DNMT1: variants seen among roughly 807,000 people sequenced by gnomAD.
The protein encoded by DNMT1 is DNA methyltransferase 1.
Under a neutral mutation model 205.3 loss-of-function variants are expected in DNMT1, and 24 were observed. The ratio of observed to expected loss-of-function variants is 0.12; its 90% CI spans 0.08 to 0.16. The LOEUF is 0.16. DNMT1 is among the 10% of genes least tolerant of loss of function. The pLI is 1.00. For missense variants in DNMT1, 1,293 were observed against 2,177.7 expected (o/e 0.59, Z 8.09); for synonymous variants, 817 against 839.8 (o/e 0.97, Z 0.47).
chr19:10,153,092 C>A lies in DNMT1; in HGVS notation c.2019+1201G>T, dbSNP rs1484679400. Among the ~76,000 whole-genome samples the A allele has an allele frequency of 4.6e-5, 7 of 152,200 alleles. No homozygotes were observed. The East Asian group carries it at 1.4e-3, about 29-fold the overall frequency. On this transcript the variant is annotated intron_variant, in intron 22 of 40. Coordinates refer to ENST00000359526, the MANE Select transcript of DNMT1 (RefSeq NM_001130823.3). ...TGCTCAAATGGTAAGTTGGTAGAAC[C>A]ATTTTGGAGAGCAATCTTCTAGATC...
intron 1 of DNMT1, among the ~76,000 whole-genome samples, chr19:10,186,206 G>T (rs1457027958): frequency 1.3e-4 from 20 of 152,094 alleles, no homozygotes. Context: ...CATATGAACT[G>T]GGATATTTAG....
rs1331610687 is a variant in DNMT1 at position 10,159,224 on chromosome 19, G to T, written c.1280+434C>A. 6.6e-6 allele frequency among the ~76,000 whole-genome samples: 1 copy of T among 152,142 alleles called. No individual in the cohort carries two copies. Among genetic ancestry groups the T allele is most frequent in the Non-Finnish European group, 1.5e-5 (1 of 68,020 alleles). ...TATTGTCCCTTCATCAGCTTTCCACGTGGCTCTTTGAGACGGAGTCTTGCT... is the reference window on the plus strand; with the variant it reads ...TATTGTCCCTTCATCAGCTTTCCACTTGGCTCTTTGAGACGGAGTCTTGCT... On this transcript the variant is annotated intron_variant, in intron 17 of 40. Transcript: ENST00000359526. The surrounding 1 kb of genome is among the most constrained non-coding windows in gnomAD (Gnocchi z 5.0).
At position 10,185,759 on chromosome 19, in the gene DNMT1, G is replaced by A. The variant is rs1020094293; in HGVS notation, c.81-3682C>T. On this transcript the variant is annotated intron_variant, in intron 1 of 40. Transcript: ENST00000359526. ...GTGGGAGGATCGCTTGAGCCTGGGA[G>A]GTTGAGGCTGCAGTGAGTTATGATG... Among the ~76,000 whole-genome samples, 3 of 151,492 alleles carry A rather than the reference G, an allele frequency of 2.0e-5. No homozygotes were observed. The South Asian group carries it at 6.3e-4, about 32-fold the overall frequency.
chr19:10,138,360 C>G lies in DNMT1; in HGVS notation c.4115+79G>C. ...GTACCATCCTCTCCTCCCCAAGCCTCACCAGGGAGTACTCACGGGCCCCAT... is the reference window on the plus strand; with the variant it reads ...GTACCATCCTCTCCTCCCCAAGCCTGACCAGGGAGTACTCACGGGCCCCAT... On this transcript the variant is annotated intron_variant, in intron 35 of 40. Transcript: ENST00000359526. This position sits in a 1 kb window ranked among gnomAD's most constrained non-coding sequence, Gnocchi z 4.1. 6.2e-7 allele frequency: 1 copy of G among 1,605,520 alleles called. No homozygotes were observed. The highest frequency in any genetic ancestry group is 8.5e-7 in the Non-Finnish European group (1 of 1,176,430).
At chr19:10,190,625 C>A (rs2039281699) in intron 1 of DNMT1, among the ~76,000 whole-genome samples, 1 of 151,888 alleles carries the variant, frequency 6.6e-6, no homozygotes, top group African/African-American at 2.4e-5. Flanking sequence ...GTTAGCCGGG[C>A]GTGGTGGCAC....
At chr19:10,174,770 C>G (rs1441810759) in intron 7 of DNMT1, among the ~76,000 whole-genome samples, 1 of 150,978 alleles carries the variant, frequency 6.6e-6, no homozygotes, top group African/African-American at 2.4e-5. Flanking sequence ...CGGTGGCTCA[C>G]ACCTATAATC....
chr19:10,166,527 G>T (rs947601488), intron 11 of DNMT1, 71 bp downstream of exon 11: 8 of 1,585,024 alleles, frequency 5.0e-6, no homozygotes, highest in Non-Finnish European at 6.9e-6. Context: ...GCCCCACCCT[G>T]CGCACTCCCG....
intron 13 of DNMT1, 118 bp downstream of exon 13, chr19:10,162,549 C>T (rs1261766074): frequency 2.5e-5 from 26 of 1,058,416 alleles, no homozygotes; most frequent in Non-Finnish European, 3.1e-5. Flanking sequence ...GGATTACAGG[C>T]GTGCGCCACC....
rs61758431 is a variant in DNMT1 at position 10,162,694 on chromosome 19, A to C, written c.981T>G (p.Ile327Met). 505 of 1,613,846 alleles carry C rather than the reference A, an allele frequency of 3.1e-4. No individual in the cohort carries two copies. Among genetic ancestry groups the C allele is most frequent in the Middle Eastern group, 5.0e-4 (3 of 6,058 alleles). ...EKEPEKVNPQ[I>M]SDEKDEDEKE... ...TTTCATCCTCGTCTTTTTCATCAGA[A>C]ATCTGTGGATTTACTTTTTCAGGTT... The change falls in exon 13 of 41, where the codon ATT becomes ATG. Residue 327 changes from isoleucine to methionine, a missense_variant. This residue lies in a region of DNMT1 where 394 missense variants were observed against 451.6 expected (regional missense o/e 0.87). Transcript: ENST00000359526.
In DNMT1 at chr19:10,173,182, GC is replaced by G. The variant is rs2038859998; in HGVS notation, c.684-9del. The stretch of plus-strand genomic sequence containing the variant: ...GGAAGCGGTCTAGCAACTCTGTCAA[GC>G]AAAATAACACAGACCCCAAGTGTGA... On this transcript the variant is annotated splice_polypyrimidine_tract_variant and intron_variant, in intron 8 of 40. Transcript: ENST00000359526. 1 of 1,614,086 alleles carries G rather than the reference GC, an allele frequency of 6.2e-7. No homozygotes were observed. Among genetic ancestry groups the G allele is most frequent in the Admixed American group, 1.7e-5 (1 of 59,988 alleles).
At chr19:10,191,576 G>A (rs1483724665) in intron 1 of DNMT1, among the ~76,000 whole-genome samples, 1 of 152,138 alleles carries the variant, frequency 6.6e-6, no homozygotes, top group African/African-American at 2.4e-5. Flanking sequence ...AGGGCCAACA[G>A]AGCCCCTGAG....
In DNMT1 at chr19:10,140,939, G is replaced by A. The variant is rs1236236844; in HGVS notation, c.3395-30C>T. The A allele has an allele frequency of 4.3e-6, 7 of 1,613,574 alleles. No individual in the cohort carries two copies. Among genetic ancestry groups the A allele is most frequent in the East Asian group, 4.5e-5 (2 of 44,898 alleles). On this transcript the variant is annotated intron_variant, in intron 31 of 40. Coordinates refer to ENST00000359526, the MANE Select transcript of DNMT1 (RefSeq NM_001130823.3). The surrounding 1 kb of genome is among the most constrained non-coding windows in gnomAD (Gnocchi z 8.4). ...GGGAGAGAGGCCAGAGGCTAAACCCGATCCTCAGAGTCCAAGTCCACCTTG... is the reference window on the plus strand; with the variant it reads ...GGGAGAGAGGCCAGAGGCTAAACCCAATCCTCAGAGTCCAAGTCCACCTTG...
At chr19:10,165,161 C>T (rs1568242299) in intron 11 of DNMT1, among the ~76,000 whole-genome samples, 2 of 151,974 alleles carry the variant, frequency 1.3e-5, no homozygotes, top group Non-Finnish European at 2.9e-5. Context: ...GTCCCAGCTA[C>T]TTGGGAGGCT....
chr19:10,163,253 C>T, intron 12 of DNMT1, 73 bp downstream of exon 12: 2 of 1,546,560 alleles, frequency 1.3e-6, no homozygotes, highest in Non-Finnish European at 1.8e-6. Flanking sequence ...AGGTGCAAGC[C>T]ACCACACCTG....
intron 34 of DNMT1, among the ~76,000 whole-genome samples, chr19:10,139,412 T>C (rs1011191356): frequency 6.6e-6 from 1 of 152,234 alleles, no homozygotes; most frequent in African/African-American, 2.4e-5. Flanking sequence ...AGCCAGGAGC[T>C]GCATGGCGAG....
chr19:10,146,214 C>G lies in DNMT1; in HGVS notation c.2894+137G>C. On this transcript the variant is annotated intron_variant, in intron 28 of 40. Coordinates refer to ENST00000359526, the MANE Select transcript of DNMT1 (RefSeq NM_001130823.3). The surrounding 1 kb of genome is among the most constrained non-coding windows in gnomAD (Gnocchi z 4.4). ...TACACGATTTATGTTGTCTGTTTGC[C>G]ACCTATGCCAACGTGACGGCTAGGA... The G allele has an allele frequency of 1.0e-6, 1 of 999,000 alleles. No individual in the cohort carries two copies. The highest frequency in any genetic ancestry group is 1.6e-5 in the South Asian group (1 of 61,188). 61.9% of individuals were successfully genotyped at this position (999,000 alleles called of 1,614,324 possible).
At chr19:10,186,612 G>A (rs2039188073) in intron 1 of DNMT1, among the ~76,000 whole-genome samples, 1 of 151,958 alleles carries the variant, frequency 6.6e-6, no homozygotes, top group Non-Finnish European at 1.5e-5. Flanking sequence ...GCCGAGGCGG[G>A]CGGATCACCT....
chr19:10,161,054 C>A (rs578152319), intron 13 of DNMT1, among the ~76,000 whole-genome samples: 3 of 151,968 alleles, frequency 2.0e-5, no homozygotes, highest in Admixed American at 2.0e-4. Context: ...CGCCTGTAAT[C>A]CCAGCACTTT....
chr19:10,149,893 C>G lies in DNMT1; in HGVS notation c.2341G>C (p.Val781Leu), dbSNP rs1219579994. 1 of 1,614,126 alleles carries G rather than the reference C, an allele frequency of 6.2e-7. No individual in the cohort carries two copies. The highest frequency in any genetic ancestry group is 8.5e-7 in the Non-Finnish European group (1 of 1,180,054). ...GGTTTTGAGGAATCATCTGGAATAA[C>G]AGAGACACAGTCCCCCACTTCCAGG... ...ETLEVGDCVS[V>L]IPDDSSKPLY... The change falls in exon 25 of 41, where the codon GTT becomes CTT. Residue 781 changes from valine (V) to leucine (L), a missense_variant. By Grantham distance (32) the Val-to-Leu change is conservative. Transcript: ENST00000359526.
Sources: allele counts gnomAD v4.1 joint callset (sites outside exome capture counted in the v4.1 genomes callset), GRCh38; gene constraint gnomAD v4.1.1; regional missense constraint gnomAD v4.1.1; non-coding constraint Gnocchi (gnomAD v3.1); transcripts MANE v1.5; gene names NCBI Gene and HGNC (gene_info 2026-07-23, HGNC 2026-07-21).